The following DCHS2 variants were observed in gnomAD, a reference collection of about 807,000 sequenced individuals.
DCHS2 encodes protocadherin-23.
A neutral mutation model predicts 182.4 loss-of-function variants in DCHS2; 142 were observed. That is an observed-to-expected ratio of 0.78 (90% CI 0.68 to 0.89). The LOEUF is 0.89. Among genes scored for constraint, DCHS2 ranks in the 40% least tolerant of loss-of-function variants. The pLI is 0.00. For synonymous variants in DCHS2, 1,740 were observed against 1,663.3 expected, an observed-to-expected ratio of 1.05 and a Z score of -1.12; for missense variants, 4,319 against 4,198.6, an observed-to-expected ratio of 1.03 and a Z score of -0.79.
chr4:154,442,352 T>A (rs1289953667), intron 1 of DCHS2, among the ~76,000 whole-genome samples: 17 of 152,116 alleles, frequency 1.1e-4, no homozygotes, highest in African/African-American at 3.4e-4. Context: ...TAGACTCTCT[T>A]ACCCTACATG....
At chr4:154,313,457 A>G (rs1381095754) in intron 10 of DCHS2, among the ~76,000 whole-genome samples, 1 of 152,120 alleles carries the variant, frequency 6.6e-6, no homozygotes, top group Non-Finnish European at 1.5e-5. Flanking sequence ...ATGCTAGAAA[A>G]CACATGTTAA....
In DCHS2 at chr4:154,298,161, C is replaced by G. The variant is rs142512414; in HGVS notation, c.6153G>C (p.Ser2051=). ...NPFDVFLSPE[S]PTNQTTVIVR... The stretch of plus-strand genomic sequence containing the variant: ...CAATGACAGTTGTCTGGTTTGTAGG[C>G]GACTCGGGGGAAAGAAACACATCAA... Residue 2051 remains serine (S), a synonymous_variant, in exon 13 of 20, where the codon TCG becomes TCC. Transcript: ENST00000357232. 2 of 1,614,022 alleles carry G rather than the reference C, an allele frequency of 1.2e-6. No individual in the cohort carries two copies. The highest frequency in any genetic ancestry group is 3.3e-5 in the Admixed American group (2 of 60,008).
Position 154,483,995 on chromosome 4 carries a change from T to C in DCHS2, c.2052+5309A>G, listed in dbSNP as rs375431354. On this transcript the variant is annotated intron_variant, in intron 1 of 19. Coordinates refer to ENST00000357232, the MANE Select transcript of DCHS2 (RefSeq NM_001358235.2). The stretch of plus-strand genomic sequence containing the variant: ...AAATAGCCTTCAAGATGTATTTTCC[T>C]ATACTACTGGCCGTTAATTCACACT... 2.0e-5 allele frequency among the ~76,000 whole-genome samples: 3 copies of C among 152,204 alleles called. No individual in the cohort carries two copies. In the East Asian group the frequency reaches 5.8e-4, roughly 29 times the overall value.
chr4:154,357,099 A>AC, intron 3 of DCHS2: 2 of 640,646 alleles, frequency 3.1e-6, no homozygotes, highest in Admixed American at 4.7e-5. Context: ...AAATAATCTA[A>AC]CATCAACGAA....
In DCHS2 at chr4:154,279,301, G is replaced by T. The variant is rs1371323460; in HGVS notation, c.6464-9288C>A. 2.6e-5 allele frequency among the ~76,000 whole-genome samples: 4 copies of T among 151,674 alleles called. No individual in the cohort carries two copies. In the South Asian group the frequency reaches 6.2e-4, roughly 24 times the overall value. On this transcript the variant is annotated intron_variant, in intron 13 of 19. Coordinates refer to ENST00000357232, the MANE Select transcript of DCHS2 (RefSeq NM_001358235.2). ...AAAAATTAACAAAACACAAAGGAAG[G>T]TAACAAGAGAAGAAAATAAATGAAA...
Position 154,357,219 on chromosome 4 carries a change from T to C in DCHS2, c.2476+8991A>G, listed in dbSNP as rs781450745. 2.5e-6 allele frequency: 4 copies of C among 1,603,680 alleles called. No homozygotes were observed. The African/African-American group carries it at 4.0e-5, about 16-fold the overall frequency. ...TTTTTTGGAGAAGGCTAACCTCTAC[T>C]TGAAGTGCCTTAGCAGAGGTAAAAA... is the stretch of plus-strand genomic sequence containing the variant. On this transcript the variant is annotated intron_variant, in intron 3 of 19. Coordinates refer to ENST00000357232, the MANE Select transcript of DCHS2 (RefSeq NM_001358235.2).
Position 154,489,475 on chromosome 4 carries a change from C to T in DCHS2, c.1881G>A (p.Glu627=). ...GGGCCACCACTTTCAGCTCCACCGC[C>T]TCCTGGACCTCTCGGTCTAGAGTCC... ...TIRTLDREVQ[E]AVELKVVAQD... Residue 627 remains glutamate, a synonymous_variant, in exon 1 of 20, where the codon GAG becomes GAA. Transcript: ENST00000357232. The T allele has an allele frequency of 4.5e-6, 7 of 1,551,710 alleles. No individual in the cohort carries two copies. The highest frequency in any genetic ancestry group is 3.5e-6 in the Non-Finnish European group (4 of 1,146,998).
At chr4:154,442,360 A>T (rs1560760896) in intron 1 of DCHS2, among the ~76,000 whole-genome samples, 1 of 151,916 alleles carries the variant, frequency 6.6e-6, no homozygotes, top group Non-Finnish European at 1.5e-5. Context: ...CTTACCCTAC[A>T]TGGCTCTGTA....
chr4:154,343,618 C>A, intron 3 of DCHS2: 1 of 1,507,560 alleles, frequency 6.6e-7, no homozygotes, highest in Non-Finnish European at 8.9e-7. Context: ...AATTTTTTTT[C>A]TGCAGCTTCC....
intron 1 of DCHS2, among the ~76,000 whole-genome samples, chr4:154,387,385 C>T (rs1731468568): frequency 6.7e-6 from 1 of 148,664 alleles, no homozygotes; most frequent in Non-Finnish European, 1.5e-5. Context: ...AACACAAAAG[C>T]AAGACCTGAA....
intron 1 of DCHS2, among the ~76,000 whole-genome samples, chr4:154,482,343 T>C (rs1379422443): frequency 6.6e-6 from 1 of 152,210 alleles, no homozygotes; most frequent in Non-Finnish European, 1.5e-5. Flanking sequence ...GCAGCTACAT[T>C]TTTTTCACAA....
At chr4:154,369,320 A>C (rs1425442329) in intron 2 of DCHS2, among the ~76,000 whole-genome samples, 1 of 152,218 alleles carries the variant, frequency 6.6e-6, no homozygotes, top group African/African-American at 2.4e-5. Context: ...AGCCTTTTGC[A>C]CATACATTTC....
rs192100107 is a variant in DCHS2 at position 154,428,765 on chromosome 4, T to C, written c.2053-51321A>G. Among the ~76,000 whole-genome samples, 17 of 151,944 alleles carry C rather than the reference T, an allele frequency of 1.1e-4. No individual in the cohort carries two copies. The South Asian group carries it at 1.9e-3, about 17-fold the overall frequency. ...AAAATACAAAAAAAATAGCCAGGCA[T>C]GGTGGCACGTGCCTGTAATCCCAGC... On this transcript the variant is annotated intron_variant, in intron 1 of 19. Transcript: ENST00000357232.
At chr4:154,277,885 A>T (rs1398792749) in intron 13 of DCHS2, among the ~76,000 whole-genome samples, 1 of 151,900 alleles carries the variant, frequency 6.6e-6, no homozygotes, top group Non-Finnish European at 1.5e-5. Flanking sequence ...TACCAAAAAT[A>T]AAAAAATTAG....
intron 16 of DCHS2, among the ~76,000 whole-genome samples, chr4:154,253,676 T>G (rs1334527191): frequency 3.3e-5 from 5 of 152,328 alleles, no homozygotes; most frequent in African/African-American, 1.2e-4. Flanking sequence ...ATTTTAAAAT[T>G]TATAATAGTT....
intron 3 of DCHS2, among the ~76,000 whole-genome samples, chr4:154,358,670 T>C (rs1729981001): frequency 6.6e-6 from 1 of 152,146 alleles, no homozygotes; most frequent in East Asian, 1.9e-4. Flanking sequence ...TGTTGTTCTA[T>C]ATTATATATG....
At chr4:154,339,995 T>C (rs1578984417) in intron 3 of DCHS2, among the ~76,000 whole-genome samples, 1 of 152,170 alleles carries the variant, frequency 6.6e-6, no homozygotes, top group East Asian at 1.9e-4. Flanking sequence ...TCCTATAGTT[T>C]AAAAATTTTT....
intron 13 of DCHS2, among the ~76,000 whole-genome samples, chr4:154,292,727 T>A (rs1057470629): frequency 1.3e-5 from 2 of 152,146 alleles, no homozygotes; most frequent in Non-Finnish European, 2.9e-5. Context: ...CCCCAGAACA[T>A]CTCAGGTAAT....
intron 3 of DCHS2, among the ~76,000 whole-genome samples, chr4:154,344,982 A>G (rs2111393514): frequency 6.6e-6 from 1 of 152,328 alleles, no homozygotes; most frequent in East Asian, 1.9e-4. Context: ...AGTTGGTGCC[A>G]AAGGACTTGG....
Sources: gnomAD v4.1 joint callset for allele counts (sites outside exome capture counted in the v4.1 genomes callset) on GRCh38, gnomAD v4.1.1 for gene constraint, MANE v1.5 for transcripts, NCBI Gene and HGNC (gene_info 2026-07-23, HGNC 2026-07-21) for gene names.